The following MME variants were observed in gnomAD, a reference collection of about 807,000 sequenced individuals.
MME encodes neprilysin.
In MME, 98 loss-of-function variants were observed where a neutral mutation model predicts 113.2. That is an observed-to-expected ratio of 0.87 (90% confidence interval 0.74 to 1.02). MME has a LOEUF of 1.02. MME is among the 50% of genes least tolerant of loss of function. The probability of loss-of-function intolerance (pLI) is 0.00; values close to 1 mark genes in which losing one functional copy is unlikely to be tolerated. For missense variants in MME, 836 were observed against 896.0 expected, an observed-to-expected ratio of 0.93 and a Z score of 0.86; for synonymous variants, 292 against 300.6, an observed-to-expected ratio of 0.97 and a Z score of 0.30.
rs1021915402 is a variant in MME, at chr3:155,084,344, C to A, written c.160+17C>A. 2 of 1,613,192 alleles carry A rather than the reference C, an allele frequency of 1.2e-6. No individual in the cohort carries two copies. The highest frequency in any genetic ancestry group is 1.7e-6 in the Non-Finnish European group (2 of 1,179,166). On this transcript the variant is annotated intron_variant, in intron 2 of 22. Transcript: ENST00000360490. ...CCTACGATGGTGAGTTACTCCCACA[C>A]CTGTGCATCCATAAGTGCAAAAGAG...
chr3:155,090,599 A>G (rs1056108319), intron 3 of MME: 2 of 152,216 alleles, frequency 1.3e-5, no homozygotes, highest in East Asian at 3.8e-4. Context: ...AACAGTTGAT[A>G]TGATAATAAT....
At chr3:155,027,623 C>T (rs1042174339) in intron 1 of MME, among the ~76,000 whole-genome samples, 1 of 152,186 alleles carries the variant, frequency 6.6e-6, no homozygotes, top group Non-Finnish European at 1.5e-5. Flanking sequence ...TCAAATATTA[C>T]TGTTGTTAAA....
At position 155,180,526 on chromosome 3, in the gene MME, A is replaced by T; in HGVS notation, c.*67A>T. 3 of 1,284,594 alleles carry T rather than the reference A, an allele frequency of 2.3e-6. No individual in the cohort carries two copies. Among genetic ancestry groups the T allele is most frequent in the Admixed American group, 3.4e-5 (2 of 59,272 alleles). 79.6% of individuals were successfully genotyped at this position (1,284,594 alleles called of 1,614,324 possible). A position where few individuals can be genotyped will look rare whatever the true frequency, so the allele number is the denominator to read the frequency against. On this transcript the variant is annotated 3_prime_UTR_variant, in exon 23 of 23. Transcript: ENST00000360490. ...CACCACAGAAATGGGGAATTCTCTAATCGAAAGAAAATGGGCCCTAGGGGT... is the reference window on the plus strand; with the variant it reads ...CACCACAGAAATGGGGAATTCTCTATTCGAAAGAAAATGGGCCCTAGGGGT...
rs535896790 is a variant in MME at position 155,163,493 on chromosome 3, G to C, written c.1660+3045G>C. Among the ~76,000 whole-genome samples, 7 of 152,288 alleles carry C rather than the reference G, an allele frequency of 4.6e-5. No individual in the cohort carries two copies. In the East Asian group the frequency reaches 1.4e-3, roughly 29 times the overall value. On this transcript the variant is annotated intron_variant, in intron 17 of 22. Coordinates refer to ENST00000360490, the MANE Select transcript of MME (RefSeq NM_007289.4). ...CTCTTCCTTGCATGTTTACTTCATG[G>C]AGCTCTAGAAGGCCCCTGTGCCATG...
At chr3:155,074,086 GC>G (rs1714667903) in intron 1 of MME, among the ~76,000 whole-genome samples, 2 of 150,038 alleles carry the variant, frequency 1.3e-5, no homozygotes, top group Non-Finnish European at 3.0e-5. Context: ...CACCATCCAG[GC>G]CTTCTAACAC....
chr3:155,155,158 T>G (rs1722224374), intron 16 of MME, among the ~76,000 whole-genome samples: 1 of 152,218 alleles, frequency 6.6e-6, no homozygotes, highest in African/African-American at 2.4e-5. Flanking sequence ...GGATTCTGTT[T>G]TGTTTCGTTT....
At chr3:155,039,392 G>C (rs1461050377) in intron 1 of MME, among the ~76,000 whole-genome samples, 1 of 152,036 alleles carries the variant, frequency 6.6e-6, no homozygotes, top group Non-Finnish European at 1.5e-5. Context: ...ATAGGTCAGG[G>C]GTATATTGTA....
At chr3:155,080,898 T>C (rs1460437301) in intron 1 of MME, 1 of 152,192 alleles carries the variant, frequency 6.6e-6, no homozygotes, top group African/African-American at 2.4e-5. Context: ...CCTGCCATTT[T>C]TGTGGGTTCT....
chr3:155,063,467 A>C (rs1714244930), intron 1 of MME, among the ~76,000 whole-genome samples: 1 of 71,462 alleles, frequency 1.4e-5, no homozygotes, highest in African/African-American at 4.5e-5. Flanking sequence ...TATTTAATAA[A>C]TATATTTTTA....
At chr3:155,129,398 T>C (rs1719956029) in intron 8 of MME, among the ~76,000 whole-genome samples, 1 of 152,158 alleles carries the variant, frequency 6.6e-6, no homozygotes, top group Non-Finnish European at 1.5e-5. Flanking sequence ...TCCCATAATC[T>C]TAAAACCAAA....
At chr3:155,141,762 A>G (rs764471719) in intron 10 of MME, among the ~76,000 whole-genome samples, 1 of 152,180 alleles carries the variant, frequency 6.6e-6, no homozygotes, top group African/African-American at 2.4e-5. Flanking sequence ...TTCTAGGTAT[A>G]TGTTCCTTAA....
chr3:155,043,830 C>G (rs889883499), intron 1 of MME, among the ~76,000 whole-genome samples: 5 of 151,978 alleles, frequency 3.3e-5, no homozygotes, highest in African/African-American at 1.2e-4. Flanking sequence ...TTTTCTGTTT[C>G]AAAATTGTCC....
intron 8 of MME, among the ~76,000 whole-genome samples, chr3:155,131,388 G>T (rs542662956): frequency 1.3e-5 from 2 of 152,292 alleles, no homozygotes; most frequent in East Asian, 3.9e-4. Context: ...GATAAGACAG[G>T]CCCTGCAAGG....
intron 1 of MME, among the ~76,000 whole-genome samples, chr3:155,046,140 A>G (rs914289861): frequency 1.3e-5 from 2 of 152,070 alleles, no homozygotes; most frequent in Non-Finnish European, 2.9e-5. Context: ...ATATTGTCCT[A>G]TGTGTCCCTG....
chr3:155,052,828 C>T (rs1713805934), intron 1 of MME, among the ~76,000 whole-genome samples: 1 of 152,158 alleles, frequency 6.6e-6, no homozygotes, highest in African/African-American at 2.4e-5. Flanking sequence ...ATGGGTTTTC[C>T]TTTTCTATTG....
intron 8 of MME, among the ~76,000 whole-genome samples, chr3:155,126,487 A>C (rs1051764642): frequency 2.4e-4 from 37 of 152,126 alleles, no homozygotes; most frequent in Admixed American, 2.0e-3. Flanking sequence ...ACAGGTCACA[A>C]ACTGGCAGTC....
At chr3:155,027,670 AACAG>A (rs1198957922) in intron 1 of MME, among the ~76,000 whole-genome samples, 1 of 152,250 alleles carries the variant, frequency 6.6e-6, no homozygotes, top group African/African-American at 2.4e-5. Flanking sequence ...AGAATCCCTT[AACAG>A]TAGGCTTAGA....
intron 1 of MME, among the ~76,000 whole-genome samples, chr3:155,042,897 G>A (rs1713377097): frequency 1.5e-5 from 1 of 65,114 alleles, no homozygotes; most frequent in African/African-American, 4.5e-5. Context: ...CCAATAGTAG[G>A]TTTTATATAT....
chr3:155,041,833 A>G (rs1713332778), intron 1 of MME, among the ~76,000 whole-genome samples: 1 of 152,190 alleles, frequency 6.6e-6, no homozygotes. Flanking sequence ...TATCTTAAAT[A>G]TCAAAGACCC....
Sources: gnomAD v4.1 joint callset for allele counts (sites outside exome capture counted in the v4.1 genomes callset) on GRCh38, gnomAD v4.1.1 for gene constraint, MANE v1.5 for transcripts, NCBI Gene and HGNC (gene_info 2026-07-23, HGNC 2026-07-21) for gene names.